Variants in LIN9 observed in about 807,000 individuals in gnomAD.
LIN9 encodes protein lin-9 homolog.
LIN9 carries 18 observed loss-of-function variants against 78.0 expected under a neutral mutation model. The ratio of observed to expected loss-of-function variants is 0.23; its 90% CI spans 0.16 to 0.34. The LOEUF (loss-of-function observed/expected upper bound fraction) is 0.34. LIN9 is among the 10% of genes least tolerant of loss of function. The pLI is 1.00. For synonymous variants in LIN9, 192 were observed against 215.2 expected, an observed-to-expected ratio of 0.89 and a Z score of 0.94; for missense variants, 451 against 644.1, an observed-to-expected ratio of 0.70 and a Z score of 3.25.
chr1:226,255,530 T>C (rs1200734728), intron 10 of LIN9, among the ~76,000 whole-genome samples: 3 of 151,900 alleles, frequency 2.0e-5, no homozygotes, highest in African/African-American at 7.3e-5. Context: ...AAGAAAAAAT[T>C]ACAAGGTACG....
chr1:226,309,285 G>GGCCCGGCTCCGCCCGCGCCT, upstream of LIN9: 1 of 1,092,740 alleles, frequency 9.2e-7, no homozygotes, highest in Non-Finnish European at 1.1e-6. Flanking sequence ...GGCTGAGGCG[G>GGCCCGGCTCCGCCCGCGCCT]GCCCGGCTCC....
chr1:226,300,382 C>T (rs1662452584), intron 2 of LIN9, among the ~76,000 whole-genome samples: 1 of 151,748 alleles, frequency 6.6e-6, no homozygotes, highest in South Asian at 2.1e-4. Flanking sequence ...GAGGCCTCCT[C>T]TCTACAAAAA....
At position 226,290,554 on chromosome 1, in the gene LIN9, G is replaced by A. The variant is rs541959041; in HGVS notation, c.265-2757C>T. Among the ~76,000 whole-genome samples the A allele has an allele frequency of 1.4e-4, 22 of 151,756 alleles. 1 individual carries two copies. The highest frequency in any genetic ancestry group is 6.2e-4 in the South Asian group (3 of 4,810). Reference sequence around the variant, plus strand: ...ACGGGGTTTCACCGTGTTAGCCAGGGTGGTCTTGATCTCCTGACCTCGTGA... The same window carrying A: ...ACGGGGTTTCACCGTGTTAGCCAGGATGGTCTTGATCTCCTGACCTCGTGA... On this transcript the variant is annotated intron_variant, in intron 4 of 14. Transcript: ENST00000681046.
intron 7 of LIN9, among the ~76,000 whole-genome samples, chr1:226,276,333 T>A (rs189077408): frequency 6.6e-5 from 10 of 152,236 alleles, no homozygotes; most frequent in Admixed American, 5.9e-4. Flanking sequence ...TTATATGGAG[T>A]TTTTACAACT....
intron 11 of LIN9, among the ~76,000 whole-genome samples, chr1:226,248,404 C>G (rs1167343135): frequency 6.6e-6 from 1 of 152,092 alleles, no homozygotes; most frequent in East Asian, 1.9e-4. Flanking sequence ...TTCATTTTTT[C>G]TGTTTACTTC....
At chr1:226,273,727 G>A (rs1660450509) in intron 7 of LIN9, among the ~76,000 whole-genome samples, 1 of 151,948 alleles carries the variant, frequency 6.6e-6, no homozygotes, top group South Asian at 2.1e-4. Flanking sequence ...AAACTCAGAG[G>A]TAGAGCCCAG....
Position 226,301,165 on chromosome 1 carries a change from C to A in LIN9, c.64+8G>T, listed in dbSNP as rs762345059. ...CTATGGTATACCTAAAAATGCTATACTTCTTACCTTTTAAACTGACAAGGG... is the reference window on the plus strand; with the variant it reads ...CTATGGTATACCTAAAAATGCTATAATTCTTACCTTTTAAACTGACAAGGG... On this transcript the variant is annotated splice_region_variant and intron_variant, in intron 2 of 14. Transcript: ENST00000681046. 52 of 1,597,980 alleles carry A rather than the reference C, an allele frequency of 3.3e-5. No homozygotes were observed. The highest frequency in any genetic ancestry group is 4.4e-5 in the Non-Finnish European group (52 of 1,173,994).
intron 4 of LIN9, among the ~76,000 whole-genome samples, chr1:226,295,368 G>GA (rs1269106519): frequency 6.6e-6 from 1 of 151,962 alleles, no homozygotes; most frequent in Non-Finnish European, 1.5e-5. Flanking sequence ...AGAATCATTT[G>GA]AACCCGGGAG....
At chr1:226,275,208 A>C (rs1660563306) in intron 7 of LIN9, among the ~76,000 whole-genome samples, 1 of 152,104 alleles carries the variant, frequency 6.6e-6, no homozygotes, top group African/African-American at 2.4e-5. Flanking sequence ...GGCCCTGTGA[A>C]CTTGATATAA....
intron 7 of LIN9, among the ~76,000 whole-genome samples, chr1:226,274,306 G>A (rs1660491902): frequency 6.6e-6 from 1 of 152,118 alleles, no homozygotes; most frequent in South Asian, 2.1e-4. Flanking sequence ...CTTTCAGTCT[G>A]AAGAACTTTT....
At chr1:226,297,950 GATT>G (rs1662259952) in intron 2 of LIN9, 137 bp from the exon 3 acceptor site, 4 of 386,378 alleles carry the variant, frequency 1.0e-5, no homozygotes, top group Non-Finnish European at 1.8e-5. Flanking sequence ...AATAATTTTA[GATT>G]ATTATAAATG....
At position 226,232,492 on chromosome 1, in the gene LIN9, A is replaced by C; in HGVS notation, c.*9T>G. 1.3e-6 allele frequency: 2 copies of C among 1,583,424 alleles called. No individual in the cohort carries two copies. Among genetic ancestry groups the C allele is most frequent in the Non-Finnish European group, 1.7e-6 (2 of 1,154,408 alleles). On this transcript the variant is annotated 3_prime_UTR_variant, in exon 15 of 15. Coordinates refer to ENST00000681046, the MANE Select transcript of LIN9 (RefSeq NM_001366245.2). ...ATGTCCCGTGCAGTTGGAATAATGA[A>C]ATCTTTACTCAGTCTCTGTTGGTGT...
intron 12 of LIN9, 124 bp downstream of exon 12, chr1:226,238,847 A>G: frequency 1.2e-6 from 1 of 866,660 alleles, no homozygotes; most frequent in Non-Finnish European, 1.7e-6. Flanking sequence ...GAAACTTTAT[A>G]TAATACAGTT....
intron 12 of LIN9, among the ~76,000 whole-genome samples, chr1:226,237,524 C>A (rs1657793725): frequency 1.3e-5 from 2 of 148,832 alleles, no homozygotes; most frequent in South Asian, 4.3e-4. Flanking sequence ...CCCAGCTACT[C>A]GGGAGGCTGA....
chr1:226,270,926 C>A lies in LIN9; in HGVS notation c.683-2836G>T, dbSNP rs547533097. ...GAAAAATTTATTTGATAAATAAAAT[C>A]TTTTTTATTTCTTTTCCATTTACTC... On this transcript the variant is annotated intron_variant, in intron 7 of 14. Transcript: ENST00000681046. 6.4e-4 allele frequency among the ~76,000 whole-genome samples: 91 copies of A among 142,676 alleles called. 2 individuals are homozygous for A. Among genetic ancestry groups the A allele is most frequent in the African/African-American group, 2.3e-3 (89 of 38,688 alleles). 93.6% of individuals were successfully genotyped at this position (142,676 alleles called of 152,430 possible). A position where few individuals can be genotyped will look rare whatever the true frequency, so the allele number is the denominator to read the frequency against.
intron 11 of LIN9, among the ~76,000 whole-genome samples, chr1:226,239,606 T>A (rs1396442950): frequency 6.6e-6 from 1 of 152,224 alleles, no homozygotes; most frequent in Non-Finnish European, 1.5e-5. Context: ...TTTCTTAATC[T>A]CTCTGTGCCT....
intron 11 of LIN9, among the ~76,000 whole-genome samples, chr1:226,250,354 G>C (rs965040026): frequency 6.6e-6 from 1 of 151,988 alleles, no homozygotes; most frequent in Admixed American, 6.6e-5. Context: ...CAACTTCCTT[G>C]GTCACAGGTA....
At chr1:226,289,383 C>T (rs1661581958) in intron 4 of LIN9, among the ~76,000 whole-genome samples, 1 of 151,828 alleles carries the variant, frequency 6.6e-6, no homozygotes, top group South Asian at 2.1e-4. Flanking sequence ...TCTTTTGAGA[C>T]AGGGTCTCTC....
At chr1:226,245,430 C>T (rs12739410) in intron 11 of LIN9, among the ~76,000 whole-genome samples, 11 of 14,168 alleles carry the variant, frequency 7.8e-4, no homozygotes, top group East Asian at 7.7e-3. Context: ...GTCTTTTTTC[C>T]CCCCCCCCAA....
Sources: gnomAD v4.1 joint callset for allele counts (sites outside exome capture counted in the v4.1 genomes callset) on GRCh38, gnomAD v4.1.1 for gene constraint, MANE v1.5 for transcripts, NCBI Gene and HGNC (gene_info 2026-07-23, HGNC 2026-07-21) for gene names.